The following SPIDR variants were observed in gnomAD, a reference collection of about 807,000 sequenced individuals.
The protein encoded by SPIDR is DNA repair-scaffolding protein.
SPIDR carries 93 observed loss-of-function variants against 104.6 expected under a neutral mutation model. The observed-to-expected ratio is 0.89, with a 90% CI of 0.75 to 1.06. The LOEUF (loss-of-function observed/expected upper bound fraction) is 1.06. Ranked by LOEUF, SPIDR falls within the 50% of genes least tolerant of loss-of-function variation. The probability of loss-of-function intolerance (pLI) is 0.00; values close to 1 mark genes in which losing one functional copy is unlikely to be tolerated. For synonymous variants in SPIDR, 431 were observed against 416.9 expected, an observed-to-expected ratio of 1.03 and a Z score of -0.41; for missense variants, 1,154 against 1,111.2, an observed-to-expected ratio of 1.04 and a Z score of -0.55.
intron 8 of SPIDR, among the ~76,000 whole-genome samples, chr8:47,469,257 C>G (rs1216694134): frequency 6.6e-6 from 1 of 152,028 alleles, no homozygotes; most frequent in East Asian, 1.9e-4. Flanking sequence ...AGTATAAATT[C>G]CTTCAACCAT....
intron 8 of SPIDR, among the ~76,000 whole-genome samples, chr8:47,535,266 A>C (rs897138273): frequency 2.6e-5 from 4 of 152,230 alleles, no homozygotes; most frequent in African/African-American, 9.6e-5. Context: ...GGAGTACTCT[A>C]TAATCTTTCC....
chr8:47,649,527 C>T (rs559852042), intron 10 of SPIDR, among the ~76,000 whole-genome samples: 282 of 152,178 alleles, frequency 1.9e-3, no homozygotes, highest in Non-Finnish European at 3.0e-3. Context: ...TTTTGCTATA[C>T]AGGACATTAC....
At chr8:47,516,850 T>A (rs529583003) in intron 8 of SPIDR, among the ~76,000 whole-genome samples, 1 of 152,334 alleles carries the variant, frequency 6.6e-6, no homozygotes, top group South Asian at 2.1e-4. Context: ...ACTACCATAT[T>A]GTTTTCCACA....
At chr8:47,369,320 A>T (rs1247783036) in intron 5 of SPIDR, among the ~76,000 whole-genome samples, 4 of 152,214 alleles carry the variant, frequency 2.6e-5, no homozygotes, top group South Asian at 2.1e-4. Context: ...CTTTACCCCA[A>T]ATTGCATTGT....
chr8:47,511,945 G>A, intron 8 of SPIDR: 1 of 793,098 alleles, frequency 1.3e-6, no homozygotes. Flanking sequence ...ATTATCACTA[G>A]GGGCTGTGCC....
chr8:47,261,430 G>A (rs1024031239), intron 1 of SPIDR, among the ~76,000 whole-genome samples: 1 of 152,172 alleles, frequency 6.6e-6, no homozygotes, highest in Admixed American at 6.5e-5. Context: ...GGGACTGTGC[G>A]GCTGACTGCC....
At chr8:47,305,504 CAT>C (rs1206225261) in intron 5 of SPIDR, among the ~76,000 whole-genome samples, 3 of 152,002 alleles carry the variant, frequency 2.0e-5, no homozygotes, top group African/African-American at 4.8e-5. Flanking sequence ...TTCAGTAACT[CAT>C]AGAAGATGGA....
chr8:47,287,409 CT>C (rs1411895038), intron 3 of SPIDR, among the ~76,000 whole-genome samples: 1 of 152,166 alleles, frequency 6.6e-6, no homozygotes, highest in Non-Finnish European at 1.5e-5. Context: ...GAGAACTGGT[CT>C]GACCTCAAAT....
intron 10 of SPIDR, among the ~76,000 whole-genome samples, chr8:47,631,126 A>G (rs1165632753): frequency 6.6e-6 from 1 of 152,148 alleles, no homozygotes; most frequent in Non-Finnish European, 1.5e-5. Context: ...TCACATAGGC[A>G]CTGGATGGTA....
intron 8 of SPIDR, chr8:47,511,653 C>G (rs1471174045): frequency 1.2e-6 from 1 of 811,080 alleles, no homozygotes; most frequent in African/African-American, 1.7e-5. Flanking sequence ...CATAAGCAGA[C>G]TCTTCCTCTG....
chr8:47,499,405 T>G (rs1244485654), intron 8 of SPIDR, among the ~76,000 whole-genome samples: 1 of 152,104 alleles, frequency 6.6e-6, no homozygotes, highest in Non-Finnish European at 1.5e-5. Context: ...CACCCCAGGC[T>G]CTCTCCTGTC....
chr8:47,625,655 A>G (rs1442436193), intron 10 of SPIDR, among the ~76,000 whole-genome samples: 1 of 152,148 alleles, frequency 6.6e-6, no homozygotes, highest in Admixed American at 6.5e-5. Context: ...AAAGAGAATA[A>G]AATACCTAGG....
chr8:47,345,432 A>T (rs573773080), intron 5 of SPIDR, among the ~76,000 whole-genome samples: 26 of 152,226 alleles, frequency 1.7e-4, no homozygotes, highest in Middle Eastern at 3.4e-3. Context: ...CTTAGGATTG[A>T]CTTGGCAATG....
chr8:47,296,822 C>G (rs2040928115), intron 5 of SPIDR, among the ~76,000 whole-genome samples: 1 of 152,114 alleles, frequency 6.6e-6, no homozygotes, highest in South Asian at 2.1e-4. Context: ...ATCTGAATAT[C>G]ACTTTGGGAA....
At chr8:47,660,033 A>G (rs916422043) in intron 10 of SPIDR, among the ~76,000 whole-genome samples, 20 of 152,346 alleles carry the variant, frequency 1.3e-4, no homozygotes, top group African/African-American at 1.4e-4. Context: ...TCGTGTAGCT[A>G]TGAAACTGAG....
chr8:47,712,776 G>A lies in SPIDR; in HGVS notation c.2092G>A (p.Val698Met). Residue 698 changes from valine (V) to methionine (M), a missense_variant, in exon 15 of 20, where the codon GTG (valine) becomes ATG (methionine). Physicochemically the swap from Val to Met is conservative, Grantham distance 21. Transcript: ENST00000297423. Reference sequence around the variant, plus strand: ...GCTCCCCAAAACCCTGCTGGTCTATGTGGCCCCCTTGTGTGTGCTGGGCTC... The same window carrying A: ...GCTCCCCAAAACCCTGCTGGTCTATATGGCCCCCTTGTGTGTGCTGGGCTC... Reference protein sequence around the residue: ...PRLPKTLLVYVAPLCVLGSEV... With the variant: ...PRLPKTLLVYMAPLCVLGSEV... 1.2e-6 allele frequency: 2 copies of A among 1,614,142 alleles called. No individual in the cohort carries two copies. The highest frequency in any genetic ancestry group is 1.7e-6 in the Non-Finnish European group (2 of 1,180,038).
intron 8 of SPIDR, among the ~76,000 whole-genome samples, chr8:47,504,765 T>A (rs1003732351): frequency 6.6e-6 from 1 of 152,172 alleles, no homozygotes; most frequent in African/African-American, 2.4e-5. Flanking sequence ...TCTTTGTGGT[T>A]TTATCTACCT....
intron 8 of SPIDR, among the ~76,000 whole-genome samples, chr8:47,581,195 G>GT (rs1043236184): frequency 6.6e-6 from 1 of 152,036 alleles, no homozygotes; most frequent in African/African-American, 2.4e-5. Flanking sequence ...GTGTTTTGTT[G>GT]TTTCCTGGTA....
intron 8 of SPIDR, among the ~76,000 whole-genome samples, chr8:47,505,035 T>A (rs1264686344): frequency 6.6e-6 from 1 of 152,164 alleles, no homozygotes; most frequent in Non-Finnish European, 1.5e-5. Context: ...GGTGTCAGTC[T>A]GCCCCTACTG....
Sources: allele counts gnomAD v4.1 joint callset (sites outside exome capture counted in the v4.1 genomes callset), GRCh38; gene constraint gnomAD v4.1.1; transcripts MANE v1.5; gene names NCBI Gene and HGNC (gene_info 2026-07-23, HGNC 2026-07-21).